The following TRIP10 variants were observed in gnomAD, a reference collection of about 807,000 sequenced individuals.
TRIP10 encodes thyroid hormone receptor interactor 10.
TRIP10 carries 54 observed loss-of-function variants against 80.9 expected under a neutral mutation model. The ratio of observed to expected loss-of-function variants is 0.67; its 90% CI spans 0.54 to 0.84. The LOEUF (loss-of-function observed/expected upper bound fraction) is 0.84, where lower values mean the gene tolerates loss of function less well. Ranked by LOEUF, TRIP10 falls within the 40% of genes least tolerant of loss-of-function variation. The pLI is 0.00. For missense variants in TRIP10, 773 were observed against 815.3 expected, an observed-to-expected ratio of 0.95 and a Z score of 0.63; for synonymous variants, 321 against 307.2, an observed-to-expected ratio of 1.04 and a Z score of -0.47.
In TRIP10 at chr19:6,744,070, C is replaced by T. The variant is rs984128429; in HGVS notation, c.642+234C>T. Among the ~76,000 whole-genome samples the T allele has an allele frequency of 6.6e-5, 10 of 151,964 alleles. No individual in the cohort carries two copies. Among genetic ancestry groups the T allele is most frequent in the South Asian group, 2.1e-4 (1 of 4,826 alleles). ...AGAGATGGGGCCTGGCTCTGTCACC[C>T]GGGCAGGAGTGCAGTGGCATAATCA... On this transcript the variant is annotated intron_variant, in intron 7 of 14. Coordinates refer to ENST00000313244, the MANE Select transcript of TRIP10 (RefSeq NM_001288962.2). This position sits in a 1 kb window ranked among gnomAD's most constrained non-coding sequence, Gnocchi z 4.9.
rs772274772 is a variant in TRIP10, at chr19:6,742,989, G to A, written c.220G>A (p.Val74Ile). ...ESKFSQQQSF[V>I]QILQEVNDFA... ...CAGATTCAGCCAGCAACAGTCCTTC[G>A]TACAGATTCTCCAGGAGGTGAATGA... Residue 74 changes from valine (V) to isoleucine (I), a missense_variant, in exon 4 of 15, where the codon GTA becomes ATA. Transcript: ENST00000313244. The A allele has an allele frequency of 4.7e-5, 76 of 1,613,980 alleles. No homozygotes were observed. In the Admixed American group the frequency reaches 9.3e-4, roughly 20 times the overall value.
Position 6,743,124 on chromosome 19 carries a change from C to CT in TRIP10, c.345+10_345+11insT, listed in dbSNP as rs1001666891. The CT allele has an allele frequency of 1.9e-6, 3 of 1,614,056 alleles. No homozygotes were observed. Among genetic ancestry groups the CT allele is most frequent in the Non-Finnish European group, 2.5e-6 (3 of 1,179,986 alleles). On this transcript the variant is annotated intron_variant, in intron 4 of 14. Transcript: ENST00000313244. ...ACAGGAGAGGAAGATGGTGAGGAGC[C>CT]CCCCGATTCAGGTTTTACAAAGGGC... is the stretch of plus-strand genomic sequence containing the variant.
Position 6,746,006 on chromosome 19 carries a change from C to T in TRIP10, c.985-23C>T. The T allele has an allele frequency of 2.1e-6, 2 of 936,552 alleles. No individual in the cohort carries two copies. Among genetic ancestry groups the T allele is most frequent in the Non-Finnish European group, 2.8e-6 (2 of 725,360 alleles). 58.0% of individuals were successfully genotyped at this position (936,552 alleles called of 1,614,324 possible). A position where few individuals can be genotyped will look rare whatever the true frequency, so the allele number is the denominator to read the frequency against. On this transcript the variant is annotated intron_variant, in intron 9 of 14. Coordinates refer to ENST00000313244, the MANE Select transcript of TRIP10 (RefSeq NM_001288962.2). This position sits in a 1 kb window ranked among gnomAD's most constrained non-coding sequence, Gnocchi z 6.2. ...GCCCCCCCACCCCTTCAACCTATCC[C>T]CCTCCCCGGCCCCCGCCGGTAGCCT...
At chr19:6,743,643 G>A in intron 6 of TRIP10, 45 bp downstream of exon 6, 1 of 1,611,110 alleles carries the variant, frequency 6.2e-7, no homozygotes, top group Non-Finnish European at 8.5e-7. Context: ...TCTGGGACAA[G>A]CTTGGGGAGT....
rs1968908896 is a variant in TRIP10 at position 6,741,194 on chromosome 19, G to A, written c.141-31G>A. 4 of 1,612,456 alleles carry A rather than the reference G, an allele frequency of 2.5e-6. No individual in the cohort carries two copies. In the South Asian group the frequency reaches 3.3e-5, roughly 13 times the overall value. ...ACGGGGAGCGGTGGGAGGGCTGCGG[G>A]CTCAGCCCTCCTACCTCTGTCTCCC... is the stretch of plus-strand genomic sequence containing the variant. On this transcript the variant is annotated intron_variant, in intron 2 of 14. Transcript: ENST00000313244.
chr19:6,750,253 G>C, intron 12 of TRIP10, 39 bp from the exon 13 acceptor site: 1 of 1,610,984 alleles, frequency 6.2e-7, no homozygotes, highest in Non-Finnish European at 8.5e-7. Flanking sequence ...TGACCCCGGA[G>C]CTCTGCCCTG....
chr19:6,748,724 C>T (rs977558246), intron 11 of TRIP10: 3 of 152,170 alleles, frequency 2.0e-5, no homozygotes, highest in Non-Finnish European at 4.4e-5. Context: ...TCCCGGGAGG[C>T]ACAGGTTGCT....
chr19:6,749,986 G>A lies in TRIP10; in HGVS notation c.1315G>A (p.Asp439Asn). 2 of 1,614,144 alleles carry A rather than the reference G, an allele frequency of 1.2e-6. No individual in the cohort carries two copies. The highest frequency in any genetic ancestry group is 2.2e-5 in the East Asian group (1 of 44,886). The change falls in exon 12 of 15, where the codon GAC becomes AAC. Residue 439 changes from aspartate to asparagine, a missense_variant. Transcript: ENST00000313244. ...DVYEKTPQMGDPASLEPQIAE... is the reference protein window; with the variant it reads ...DVYEKTPQMGNPASLEPQIAE... ...CTATGAGAAGACACCTCAGATGGGG[G>A]ACCCCGCCAGCTTGGAGCCCCAGAT...
rs923896267 is a variant in TRIP10 at position 6,746,100 on chromosome 19, C to T, written c.1056C>T (p.Pro352=). Residue 352 remains proline (P), a synonymous_variant, in exon 10 of 15, where the codon CCC becomes CCT. Coordinates refer to ENST00000313244, the MANE Select transcript of TRIP10 (RefSeq NM_001288962.2). The surrounding 1 kb of genome is among the most constrained non-coding windows in gnomAD (Gnocchi z 6.2). ...CATTGCCTAACGGACCCCCGTCCCC[C>T]CGCTCCGGCCGTGACCCCTTGGCCA... ...PSALPNGPPS[P]RSGRDPLAIL... is the part of the protein sequence containing the mutation. 9 of 1,545,116 alleles carry T rather than the reference C, an allele frequency of 5.8e-6. No individual in the cohort carries two copies. Among genetic ancestry groups the T allele is most frequent in the Middle Eastern group, 1.7e-4 (1 of 6,004 alleles).
rs572578299 is a variant in TRIP10, at chr19:6,746,369, G to A, written c.1153-83G>A. 1.1e-4 allele frequency: 174 copies of A among 1,572,540 alleles called. No homozygotes were observed. The East Asian group carries it at 2.3e-3, about 20-fold the overall frequency. On this transcript the variant is annotated intron_variant, in intron 10 of 14. Coordinates refer to ENST00000313244, the MANE Select transcript of TRIP10 (RefSeq NM_001288962.2). The surrounding 1 kb of genome is among the most constrained non-coding windows in gnomAD (Gnocchi z 6.2). ...GCTGTCAAGAACCATGGCTGGGGAA[G>A]GGAGTGAAATATCTCAGACGGGTGC...
chr19:6,744,787 C>T lies in TRIP10; in HGVS notation c.790-13C>T, dbSNP rs751685404. 1.1e-5 allele frequency: 17 copies of T among 1,608,236 alleles called. No individual in the cohort carries two copies. The Admixed American group carries it at 1.3e-4, about 13-fold the overall frequency. Reference sequence around the variant, plus strand: ...AGGCACTCGACTGCTCATCCACTGTCCCCCTCCCCCAGGACTCCCACGTCC... The same window carrying T: ...AGGCACTCGACTGCTCATCCACTGTTCCCCTCCCCCAGGACTCCCACGTCC... On this transcript the variant is annotated splice_polypyrimidine_tract_variant and intron_variant, in intron 8 of 14. Transcript: ENST00000313244. The surrounding 1 kb of genome is among the most constrained non-coding windows in gnomAD (Gnocchi z 4.9).
Position 6,745,099 on chromosome 19 carries a change from C to T in TRIP10, c.984+105C>T. 2 of 1,393,018 alleles carry T rather than the reference C, an allele frequency of 1.4e-6. No homozygotes were observed. Among genetic ancestry groups the T allele is most frequent in the Non-Finnish European group, 1.9e-6 (2 of 1,055,996 alleles). The allele number at this position is 1,393,018 out of a possible 1,614,324, so 86.3% of individuals were successfully genotyped here. The stretch of plus-strand genomic sequence containing the variant: ...AGCCGCCTGAACGCCGAGTCTCGGG[C>T]AGGAATTTTCCTCTTGGCTGCCAGC... On this transcript the variant is annotated intron_variant, in intron 9 of 14. Transcript: ENST00000313244. The surrounding 1 kb of genome is among the most constrained non-coding windows in gnomAD (Gnocchi z 7.2).
chr19:6,747,104 A>G (rs1303335235), intron 11 of TRIP10, among the ~76,000 whole-genome samples: 1 of 152,218 alleles, frequency 6.6e-6, no homozygotes, highest in Non-Finnish European at 1.5e-5. Flanking sequence ...CAGGAGGATC[A>G]TCTGAGCCTA....
chr19:6,747,817 TAC>T (rs1304724998), intron 11 of TRIP10, among the ~76,000 whole-genome samples: 5 of 135,594 alleles, frequency 3.7e-5, no homozygotes, highest in African/African-American at 1.1e-4. Flanking sequence ...ATAATAATAA[TAC>T]ATTAGCCGAG....
In TRIP10 at chr19:6,740,975, C is replaced by G. The variant is rs752694610; in HGVS notation, c.25-35C>G. 3.1e-6 allele frequency: 5 copies of G among 1,588,396 alleles called. No individual in the cohort carries two copies. In the East Asian group the frequency reaches 9.0e-5, roughly 29 times the overall value. On this transcript the variant is annotated intron_variant, in intron 1 of 14. Coordinates refer to ENST00000313244, the MANE Select transcript of TRIP10 (RefSeq NM_001288962.2). ...GGGTCCCAAAATCGTGACCCCGGCC[C>G]CTCTCCCCTCCTCCCCCACCATGTC...
At chr19:6,750,206 T>C in intron 12 of TRIP10, 86 bp from the exon 13 acceptor site, 1 of 1,586,984 alleles carries the variant, frequency 6.3e-7, no homozygotes, top group Non-Finnish European at 8.6e-7. Context: ...TGGCTGTGCG[T>C]GGGTGATCTC....
At position 6,745,146 on chromosome 19, in the gene TRIP10, C is replaced by CGGGCA. The variant is rs71309647; in HGVS notation, c.984+154_984+155insGCAGG. The stretch of plus-strand genomic sequence containing the variant: ...CAGCCCGGACTGGAGGGAAGGAAGG[C>CGGGCA]GGCCGATTGGCCTGGGAGTCCCCCG... On this transcript the variant is annotated intron_variant, in intron 9 of 14. Coordinates refer to ENST00000313244, the MANE Select transcript of TRIP10 (RefSeq NM_001288962.2). The surrounding 1 kb of genome is among the most constrained non-coding windows in gnomAD (Gnocchi z 7.2). 0.4 allele frequency: 452,415 copies of CGGGCA among 1,120,040 alleles called. 95,129 individuals carry two copies. The highest frequency in any genetic ancestry group is 0.55 in the African/African-American group (34,392 of 62,710). The allele number at this position is 1,120,040 out of a possible 1,614,324, so 69.4% of individuals were successfully genotyped here. A position where few individuals can be genotyped will look rare whatever the true frequency, so the allele number is the denominator to read the frequency against.
chr19:6,746,427 A>T lies in TRIP10; in HGVS notation c.1153-25A>T. ...GGCAGGCTAGACTCCTTGATCCCAA[A>T]TTCAGCCCTCTACCCACCTTGCAGA... is the stretch of plus-strand genomic sequence containing the variant. On this transcript the variant is annotated intron_variant, in intron 10 of 14. Coordinates refer to ENST00000313244, the MANE Select transcript of TRIP10 (RefSeq NM_001288962.2). This position sits in a 1 kb window ranked among gnomAD's most constrained non-coding sequence, Gnocchi z 6.2. 1 of 1,613,030 alleles carries T rather than the reference A, an allele frequency of 6.2e-7. No homozygotes were observed. Among genetic ancestry groups the T allele is most frequent in the Non-Finnish European group, 8.5e-7 (1 of 1,179,146 alleles).
chr19:6,741,331 C>A (rs1163921916), intron 3 of TRIP10, 50 bp downstream of exon 3: 1 of 1,565,840 alleles, frequency 6.4e-7, no homozygotes, highest in Admixed American at 1.9e-5. Flanking sequence ...AAAGGCGGTG[C>A]TTGGGTCTCA....
Sources: gnomAD v4.1 joint callset for allele counts (sites outside exome capture counted in the v4.1 genomes callset) on GRCh38, gnomAD v4.1.1 for gene constraint, Gnocchi (gnomAD v3.1) non-coding constraint, MANE v1.5 for transcripts, NCBI Gene and HGNC (gene_info 2026-07-23, HGNC 2026-07-21) for gene names.